Variants in GPC1 observed in about 807,000 individuals in gnomAD.
GPC1 encodes glypican-1.
GPC1 carries 26 observed loss-of-function variants against 51.5 expected under a neutral mutation model. The observed-to-expected ratio is 0.50, with a 90% CI of 0.37 to 0.70. The LOEUF (loss-of-function observed/expected upper bound fraction) is 0.70. GPC1 is among the 30% of genes least tolerant of loss of function. GPC1 has a pLI of 0.00. For missense variants in GPC1, 775 were observed against 800.5 expected, an observed-to-expected ratio of 0.97 and a Z score of 0.38; for synonymous variants, 380 against 348.3, an observed-to-expected ratio of 1.09 and a Z score of -1.01.
chr2:240,461,644 T>G (rs887237646), intron 2 of GPC1, among the ~76,000 whole-genome samples: 3 of 152,044 alleles, frequency 2.0e-5, no homozygotes, highest in Non-Finnish European at 4.4e-5. Flanking sequence ...CTGAAGCTTC[T>G]AAATCGCAGA....
chr2:240,447,200 T>G (rs181408095), intron 1 of GPC1, among the ~76,000 whole-genome samples: 130 of 152,056 alleles, frequency 8.5e-4, no homozygotes, highest in Non-Finnish European at 1.6e-3. Flanking sequence ...TGACCAGAGG[T>G]CTGAGTCGAA....
chr2:240,446,254 T>C (rs534282524), intron 1 of GPC1, among the ~76,000 whole-genome samples: 112 of 152,246 alleles, frequency 7.4e-4, no homozygotes, highest in African/African-American at 2.5e-3. Context: ...CTGCCTGCCG[T>C]GCGAGTGAGA....
At chr2:240,447,377 G>A (rs1368516625) in intron 1 of GPC1, among the ~76,000 whole-genome samples, 1 of 152,226 alleles carries the variant, frequency 6.6e-6, no homozygotes, top group Non-Finnish European at 1.5e-5. Context: ...CATTTCGGAA[G>A]GTCAGGAAGG....
chr2:240,455,044 G>T, intron 1 of GPC1: 1 of 185,748 alleles, frequency 5.4e-6, no homozygotes. Context: ...AGGCTGGTGG[G>T]GGCTTAGTGA....
Position 240,466,585 on chromosome 2 carries a change from C to G in GPC1, c.*295C>G, listed in dbSNP as rs1440013809. Reference sequence around the variant, plus strand: ...GCCTAGCCCTCCCCCCAGCTCCCTGCACCGCCGCAGAAGCAGCCCCTCGAG... The same window carrying G: ...GCCTAGCCCTCCCCCCAGCTCCCTGGACCGCCGCAGAAGCAGCCCCTCGAG... On this transcript the variant is annotated 3_prime_UTR_variant, in exon 9 of 9. Coordinates refer to ENST00000264039, the MANE Select transcript of GPC1 (RefSeq NM_002081.3). 2.4e-6 allele frequency: 1 copy of G among 415,574 alleles called. No individual in the cohort carries two copies. The highest frequency in any genetic ancestry group is 4.3e-6 in the Non-Finnish European group (1 of 232,406). The allele number at this position is 415,574 out of a possible 1,614,324, so 25.7% of individuals were successfully genotyped here. A position where few individuals can be genotyped will look rare whatever the true frequency, so the allele number is the denominator to read the frequency against.
intron 1 of GPC1, among the ~76,000 whole-genome samples, chr2:240,438,099 G>A (rs758581555): frequency 9.8e-5 from 15 of 152,304 alleles, no homozygotes; most frequent in South Asian, 4.1e-4. Flanking sequence ...GAGTACGAAC[G>A]CCCTGCAGCT....
chr2:240,462,494 G>A lies in GPC1; in HGVS notation c.629G>A (p.Arg210His), dbSNP rs756261804. The A allele has an allele frequency of 1.6e-5, 25 of 1,596,178 alleles. No homozygotes were observed. Among genetic ancestry groups the A allele is most frequent in the East Asian group, 1.1e-4 (5 of 44,488 alleles). The change falls in exon 3 of 9, where the codon CGC (arginine) becomes CAC (histidine). Residue 210 changes from arginine (R) to histidine (H), a missense_variant. By Grantham distance (29) the Arg-to-His change is conservative (BLOSUM62 0). Transcript: ENST00000264039. ...RPFGEAPREL[R>H]LRATRAFVAA... is the part of the protein sequence containing the mutation. ...TTCGGGGAGGCCCCGAGAGAGCTGC[G>A]CCTGCGGGCCACCCGTGCCTTCGTG...
intron 1 of GPC1, among the ~76,000 whole-genome samples, chr2:240,438,706 A>G (rs2151784740): frequency 6.6e-6 from 1 of 152,330 alleles, no homozygotes; most frequent in South Asian, 2.1e-4. Context: ...CAGAAAAGGC[A>G]GTGGGTGACA....
In GPC1 at chr2:240,467,672, T is replaced by G. The variant is rs1002988324; in HGVS notation, c.*1382T>G. The G allele has an allele frequency of 6.6e-6, 1 of 152,326 alleles. No homozygotes were observed. Among genetic ancestry groups the G allele is most frequent in the African/African-American group, 2.4e-5 (1 of 41,446 alleles). 9.4% of individuals were successfully genotyped at this position (152,326 alleles called of 1,614,324 possible). A position where few individuals can be genotyped will look rare whatever the true frequency, so the allele number is the denominator to read the frequency against. ...AGGAGGCCGCTTAGTGCTGCTTTGC[T>G]TTTCATCACCGTCCCGCACAGTGGA... On this transcript the variant is annotated 3_prime_UTR_variant, in exon 9 of 9. Coordinates refer to ENST00000264039, the MANE Select transcript of GPC1 (RefSeq NM_002081.3).
chr2:240,466,073 G>T lies in GPC1; in HGVS notation c.1460G>T (p.Gly487Val), dbSNP rs754938318. 3.3e-5 allele frequency: 53 copies of T among 1,610,248 alleles called. No individual in the cohort carries two copies. The South Asian group carries it at 5.7e-4, about 17-fold the overall frequency. Residue 487 changes from glycine (G) to valine (V), a missense_variant, in exon 9 of 9, where the codon GGC becomes GTC. Coordinates refer to ENST00000264039, the MANE Select transcript of GPC1 (RefSeq NM_002081.3). ...DFQDASDDGS[G>V]SGSGDGCLDD... ...TCCTTCCCAGGTGACGACGGCAGCG[G>T]CTCGGGCAGCGGTGATGGCTGTCTG...
chr2:240,449,880 T>C lies in GPC1; in HGVS notation c.167-9150T>C, dbSNP rs115227587. ...CTCCACGCCGGAGCATGTGTCAGAA[T>C]TTCTTCCTTTTCACGGATTAATCCT... On this transcript the variant is annotated intron_variant, in intron 1 of 8. Coordinates refer to ENST00000264039, the MANE Select transcript of GPC1 (RefSeq NM_002081.3). 2,118 of 470,784 alleles carry C rather than the reference T, an allele frequency of 4.5e-3. 27 individuals carry two copies. Among genetic ancestry groups the C allele is most frequent in the African/African-American group, 0.034 (1,709 of 50,158 alleles). The allele number at this position is 470,784 out of a possible 1,614,324, so 29.2% of individuals were successfully genotyped here.
chr2:240,466,222 C>T lies in GPC1; in HGVS notation c.1609C>T (p.Pro537Ser), dbSNP rs368552285. The T allele has an allele frequency of 9.3e-6, 15 of 1,612,524 alleles. No homozygotes were observed. Among genetic ancestry groups the T allele is most frequent in the African/African-American group, 2.7e-5 (2 of 74,908 alleles). Reference sequence around the variant, plus strand: ...GACCTCGGCTGCCAGCTGCCCCCAGCCCCCGACCTTCCTCCTGCCCCTCCT... The same window carrying T: ...GACCTCGGCTGCCAGCTGCCCCCAGTCCCCGACCTTCCTCCTGCCCCTCCT... ...QKTSAASCPQPPTFLLPLLLF... is the reference protein window; with the variant it reads ...QKTSAASCPQSPTFLLPLLLF... Residue 537 changes from proline to serine, a missense_variant, in exon 9 of 9, where the codon CCC becomes TCC. Transcript: ENST00000264039.
intron 2 of GPC1, among the ~76,000 whole-genome samples, chr2:240,461,906 GC>G (rs1195812394): frequency 2.0e-5 from 3 of 152,008 alleles, no homozygotes; most frequent in African/African-American, 7.3e-5. Flanking sequence ...CATCTGTTCT[GC>G]CCAGGGCTCA....
Position 240,435,864 on chromosome 2 carries a change from G to A in GPC1, c.-55G>A. The A allele has an allele frequency of 6.1e-6, 7 of 1,144,794 alleles. No homozygotes were observed. In the South Asian group the frequency reaches 2.4e-4, roughly 39 times the overall value. The allele number at this position is 1,144,794 out of a possible 1,614,324, so 70.9% of individuals were successfully genotyped here. ...CGCGGGCGGGAACTGCGCAGGACCC[G>A]GCCAGGATCCGAGAGAGGCGCGGGC... On this transcript the variant is annotated 5_prime_UTR_variant, in exon 1 of 9. Transcript: ENST00000264039.
intron 1 of GPC1, among the ~76,000 whole-genome samples, chr2:240,453,551 A>G (rs555587994): frequency 0.11 from 1,385 of 12,488 alleles, 33 homozygotes; most frequent in African/African-American, 0.27. Context: ...CCCCTCCCCC[A>G]CCCCCGTGCC....
chr2:240,452,980 C>T (rs755159265), intron 1 of GPC1: 2 of 354,588 alleles, frequency 5.6e-6, no homozygotes, highest in South Asian at 1.9e-5. Flanking sequence ...GCACCCAGAG[C>T]CCGCGCGCCG....
At chr2:240,446,871 C>T (rs1458362112) in intron 1 of GPC1, among the ~76,000 whole-genome samples, 4 of 152,208 alleles carry the variant, frequency 2.6e-5, no homozygotes, top group African/African-American at 9.7e-5. Context: ...TGGGCAGCCC[C>T]TGGGCAGTGT....
chr2:240,458,902 C>G lies in GPC1; in HGVS notation c.167-128C>G, dbSNP rs536986780. 1.1e-5 allele frequency: 9 copies of G among 786,306 alleles called. No individual in the cohort carries two copies. The East Asian group carries it at 2.2e-4, about 19-fold the overall frequency. 48.7% of individuals were successfully genotyped at this position (786,306 alleles called of 1,614,324 possible). Reference sequence around the variant, plus strand: ...TTCTGCCTTCACCCAGGGCACCCCCCAGGCTGGCCCACCCCTGAGCTGTGC... The same window carrying G: ...TTCTGCCTTCACCCAGGGCACCCCCGAGGCTGGCCCACCCCTGAGCTGTGC... On this transcript the variant is annotated intron_variant, in intron 1 of 8. Transcript: ENST00000264039.
chr2:240,455,832 C>T (rs574965631), intron 1 of GPC1, among the ~76,000 whole-genome samples: 18 of 152,328 alleles, frequency 1.2e-4, no homozygotes, highest in African/African-American at 2.4e-4. Flanking sequence ...CCTGTGGCCC[C>T]GGCCTGCGCC....
Sources: allele counts gnomAD v4.1 joint callset (sites outside exome capture counted in the v4.1 genomes callset), GRCh38; gene constraint gnomAD v4.1.1; transcripts MANE v1.5; gene names NCBI Gene and HGNC (gene_info 2026-07-23, HGNC 2026-07-21).